Variants in RBFA observed in about 807,000 individuals in gnomAD.
RBFA encodes the protein putative ribosome-binding factor A, mitochondrial.
In RBFA, 16 loss-of-function variants were observed where a neutral mutation model predicts 27.9. That is an observed-to-expected ratio of 0.57 (90% CI 0.39 to 0.87). RBFA has a LOEUF of 0.87. Among genes scored for constraint, RBFA ranks in the 40% least tolerant of loss-of-function variants. RBFA has a pLI of 0.00. For synonymous variants in RBFA, 181 were observed against 181.0 expected (o/e 1.00, Z 0.00); for missense variants, 456 against 432.1 (o/e 1.06, Z -0.49).
At position 80,046,138 on chromosome 18, in the gene RBFA, G is replaced by A. The variant is rs750448151; in HGVS notation, c.1015G>A (p.Gly339Arg). ...GGRTEDGHSCGASRE is the reference protein window; with the variant it reads ...GGRTEDGHSCRASRE The stretch of plus-strand genomic sequence containing the variant: ...CAGAACAGAGGATGGCCACAGCTGC[G>A]GAGCAAGCAGGGAGTAGATGGAGAG... The change falls in exon 7 of 7, where the codon GGA (glycine) becomes AGA (arginine). Residue 339 changes from glycine to arginine, a missense_variant. Gly to Arg is a moderately radical substitution (Grantham distance 125). Coordinates refer to ENST00000306735, the MANE Select transcript of RBFA (RefSeq NM_024805.3). 64 of 1,613,814 alleles carry A rather than the reference G, an allele frequency of 4.0e-5. No homozygotes were observed. The highest frequency in any genetic ancestry group is 4.8e-5 in the Non-Finnish European group (57 of 1,179,928).
chr18:80,042,866 G>C (rs2052025960), intron 5 of RBFA, among the ~76,000 whole-genome samples: 1 of 151,926 alleles, frequency 6.6e-6, no homozygotes, highest in African/African-American at 2.4e-5. Flanking sequence ...CTGTGCCCCT[G>C]TTCCCAGCCA....
intron 6 of RBFA, 99 bp from the exon 7 acceptor site, chr18:80,045,672 GAGT>G: frequency 7.5e-7 from 1 of 1,339,476 alleles, no homozygotes; most frequent in Non-Finnish European, 9.9e-7. Flanking sequence ...GTTCTCAGGC[GAGT>G]AGATGTAGGA....
intron 6 of RBFA, among the ~76,000 whole-genome samples, chr18:80,045,334 C>G (rs2052043700): frequency 6.6e-6 from 1 of 151,902 alleles, no homozygotes; most frequent in African/African-American, 2.4e-5. Context: ...TCAGGCGATC[C>G]TCCTGCCTCA....
chr18:80,035,530 G>A (rs1289260844), intron 1 of RBFA: 1 of 152,214 alleles, frequency 6.6e-6, no homozygotes, highest in Non-Finnish European at 1.5e-5. Flanking sequence ...TGGGGAGGAA[G>A]ACTACAGAGG....
rs202077429 is a variant in RBFA at position 80,034,658 on chromosome 18, T to G, written c.158+5T>G. On this transcript the variant is annotated splice_donor_5th_base_variant and intron_variant, in intron 1 of 6. Transcript: ENST00000306735. Reference sequence around the variant, plus strand: ...GAAATTTGCCTCGAAAACCAAGTAATGCGGCGGGGGCGGTGTCCCTGGGCG... The same window carrying G: ...GAAATTTGCCTCGAAAACCAAGTAAGGCGGCGGGGGCGGTGTCCCTGGGCG... 1.5e-5 allele frequency: 24 copies of G among 1,608,028 alleles called. No homozygotes were observed. Among genetic ancestry groups the G allele is most frequent in the Non-Finnish European group, 2.0e-5 (24 of 1,178,368 alleles).
rs886764630 is a variant in RBFA, at chr18:80,049,306, C to T, written c.*3151C>T. Among the ~76,000 whole-genome samples the T allele has an allele frequency of 2.0e-5, 3 of 151,506 alleles. No homozygotes were observed. The highest frequency in any genetic ancestry group is 4.9e-5 in the African/African-American group (2 of 41,110). ...ATGGGTCCACTCCTGGGGATTTCCACGGCCTTTCCTGGGAGCAGGTTAGGG... is the reference window on the plus strand; with the variant it reads ...ATGGGTCCACTCCTGGGGATTTCCATGGCCTTTCCTGGGAGCAGGTTAGGG... On this transcript the variant is annotated 3_prime_UTR_variant, in exon 7 of 7. Transcript: ENST00000306735.
At chr18:80,042,091 G>A in intron 4 of RBFA, 44 bp from the exon 5 acceptor site, 1 of 1,434,358 alleles carries the variant, frequency 7.0e-7, no homozygotes, top group Non-Finnish European at 9.6e-7. Flanking sequence ...TCTCCACTGA[G>A]TGTCACGGCA....
intron 1 of RBFA, 110 bp from the exon 2 acceptor site, chr18:80,036,558 A>G (rs2051980183): frequency 1.5e-6 from 1 of 659,148 alleles, no homozygotes; most frequent in East Asian, 2.8e-5. Context: ...GTAATGTAAC[A>G]TCTAAGTTTA....
Position 80,044,199 on chromosome 18 carries a change from T to C in RBFA, c.577-13T>C, listed in dbSNP as rs575399606. 62 of 1,613,368 alleles carry C rather than the reference T, an allele frequency of 3.8e-5. No individual in the cohort carries two copies. The East Asian group carries it at 6.5e-4, about 17-fold the overall frequency. ...ATGTGGCTAACGGGTTTACCCTCTG[T>C]GTTCCTCTGTAGCTTGATCAGTTAC... On this transcript the variant is annotated splice_polypyrimidine_tract_variant and intron_variant, in intron 5 of 6. Transcript: ENST00000306735.
rs148314635 is a variant in RBFA, at chr18:80,047,459, TG to T, written c.*1305del. The stretch of plus-strand genomic sequence containing the variant: ...AGTAGGAGATGCTGCTGCAAGATGC[TG>T]ACTCCCTTGTTTTTCTTTTCATTTG... On this transcript the variant is annotated 3_prime_UTR_variant, in exon 7 of 7. Coordinates refer to ENST00000306735, the MANE Select transcript of RBFA (RefSeq NM_024805.3). 5,101 of 152,514 alleles carry T rather than the reference TG, an allele frequency of 0.033. 160 individuals carry two copies. The highest frequency in any genetic ancestry group is 0.079 in the African/African-American group (3,272 of 41,574). 9.4% of individuals were successfully genotyped at this position (152,514 alleles called of 1,614,324 possible).
In RBFA at chr18:80,038,499, T is replaced by A; in HGVS notation, c.379-6T>A. 1 of 1,594,976 alleles carries A rather than the reference T, an allele frequency of 6.3e-7. No individual in the cohort carries two copies. The highest frequency in any genetic ancestry group is 8.6e-7 in the Non-Finnish European group (1 of 1,165,066). ...AAAAGTGACCTGTGGAGGGGCGGGGTCTCAGGTTTCCCTGACTCCAGACTT... is the reference window on the plus strand; with the variant it reads ...AAAAGTGACCTGTGGAGGGGCGGGGACTCAGGTTTCCCTGACTCCAGACTT... On this transcript the variant is annotated splice_polypyrimidine_tract_variant and splice_region_variant and intron_variant, in intron 3 of 6. Transcript: ENST00000306735.
chr18:80,042,152 A>G lies in RBFA; in HGVS notation c.509A>G (p.Gln170Arg). 6.2e-7 allele frequency: 1 copy of G among 1,610,634 alleles called. No homozygotes were observed. The highest frequency in any genetic ancestry group is 1.1e-5 in the South Asian group (1 of 90,774). The change falls in exon 5 of 7, where the codon CAG becomes CGG. Residue 170 changes from glutamine (Q) to arginine (R), a missense_variant. Coordinates refer to ENST00000306735, the MANE Select transcript of RBFA (RefSeq NM_024805.3). The stretch of plus-strand genomic sequence containing the variant: ...TCTCCTAGGCACCTTTTGATGTCCC[A>G]GCAGACCCTGAGGAATGTGCCACCG... ...AAHMRHLLMS[Q>R]QTLRNVPPIV...
chr18:80,037,946 A>G (rs1027976678), intron 3 of RBFA, among the ~76,000 whole-genome samples: 1 of 152,076 alleles, frequency 6.6e-6, no homozygotes, highest in African/African-American at 2.4e-5. Flanking sequence ...TTGCAGAAAT[A>G]GAAATGATGC....
rs932403226 is a variant in RBFA at position 80,049,948 on chromosome 18, G to A, written c.*3793G>A. Among the ~76,000 whole-genome samples, 2 of 152,190 alleles carry A rather than the reference G, an allele frequency of 1.3e-5. No homozygotes were observed. The highest frequency in any genetic ancestry group is 2.9e-5 in the Non-Finnish European group (2 of 68,040). The stretch of plus-strand genomic sequence containing the variant: ...GCCAGCATTAGAACCTCTGCTCTAC[G>A]GGTGACTGCCCTGGGTTGATTTTTT... On this transcript the variant is annotated 3_prime_UTR_variant, in exon 7 of 7. Coordinates refer to ENST00000306735, the MANE Select transcript of RBFA (RefSeq NM_024805.3).
At position 80,042,223 on chromosome 18, in the gene RBFA, A is replaced by C; in HGVS notation, c.576+4A>C. 6.4e-7 allele frequency: 1 copy of C among 1,572,938 alleles called. No individual in the cohort carries two copies. The highest frequency in any genetic ancestry group is 8.6e-7 in the Non-Finnish European group (1 of 1,164,014). On this transcript the variant is annotated splice_donor_region_variant and intron_variant, in intron 5 of 6. Transcript: ENST00000306735. ...GGGAAATGCAGCTCTAGCTGAGGTA[A>C]GGTTTTCAAAAAAACTTTTTAAAAT...
At position 80,045,930 on chromosome 18, in the gene RBFA, T is replaced by C. The variant is rs1403335734; in HGVS notation, c.807T>C (p.Ala269=). 6 of 1,613,760 alleles carry C rather than the reference T, an allele frequency of 3.7e-6. No homozygotes were observed. In the East Asian group the frequency reaches 8.9e-5, roughly 24 times the overall value. ...LGGLVWQGQV[A]ELTTQMKKGR... ...GCCTGGTGTGGCAGGGGCAGGTGGC[T>C]GAGCTGACAACGCAGATGAAAAAGG... Residue 269 remains alanine, a synonymous_variant, in exon 7 of 7, where the codon GCT becomes GCC. Transcript: ENST00000306735.
rs954499399 is a variant in RBFA at position 80,046,208 on chromosome 18, C to T, written c.*53C>T. On this transcript the variant is annotated 3_prime_UTR_variant, in exon 7 of 7. Transcript: ENST00000306735. ...TGCAGGGAAAAGCATTGGCACGCAACGCAGCATGTGGCTTCATTGAGGCAG... is the reference window on the plus strand; with the variant it reads ...TGCAGGGAAAAGCATTGGCACGCAATGCAGCATGTGGCTTCATTGAGGCAG... 3.3e-5 allele frequency: 51 copies of T among 1,568,096 alleles called. No individual in the cohort carries two copies. The highest frequency in any genetic ancestry group is 3.2e-4 in the East Asian group (14 of 44,208).
At chr18:80,038,688 T>C in intron 4 of RBFA, 71 bp downstream of exon 4, 1 of 1,122,254 alleles carries the variant, frequency 8.9e-7, no homozygotes, top group East Asian at 2.4e-5. Context: ...GTTTCACTTG[T>C]AGGTGGACTT....
chr18:80,036,280 A>G (rs1018472675), intron 1 of RBFA, among the ~76,000 whole-genome samples: 4 of 152,092 alleles, frequency 2.6e-5, no homozygotes, highest in Non-Finnish European at 5.9e-5. Context: ...GGCTCCCACC[A>G]TCCATTTGCT....
Sources: allele counts gnomAD v4.1 joint callset (sites outside exome capture counted in the v4.1 genomes callset), GRCh38; gene constraint gnomAD v4.1.1; transcripts MANE v1.5; gene names NCBI Gene and HGNC (gene_info 2026-07-23, HGNC 2026-07-21).